The following HOMER2 variants were observed in gnomAD, a reference collection of about 807,000 sequenced individuals.
HOMER2 encodes homer scaffold protein 2.
In HOMER2, 27 loss-of-function variants were observed where a neutral mutation model predicts 47.0. The ratio of observed to expected loss-of-function variants is 0.57; its 90% CI spans 0.42 to 0.79. The LOEUF (loss-of-function observed/expected upper bound fraction) is 0.79, where lower values mean the gene tolerates loss of function less well. Among genes scored for constraint, HOMER2 ranks in the 30% least tolerant of loss-of-function variants. The pLI, the probability that HOMER2 is intolerant of heterozygous loss-of-function variation, is 0.00. For synonymous variants in HOMER2, 161 were observed against 163.8 expected (o/e 0.98, Z 0.13); for missense variants, 443 against 435.0 (o/e 1.02, Z -0.16).
At chr15:82,876,215 G>A (rs567712745) in intron 2 of HOMER2, among the ~76,000 whole-genome samples, 2 of 152,362 alleles carry the variant, frequency 1.3e-5, no homozygotes, top group South Asian at 4.1e-4. Flanking sequence ...GAGGGCTTGG[G>A]AGCCCACTGA....
At chr15:82,915,429 C>A (rs1222996964) in intron 1 of HOMER2, among the ~76,000 whole-genome samples, 1 of 152,116 alleles carries the variant, frequency 6.6e-6, no homozygotes, top group Non-Finnish European at 1.5e-5. Flanking sequence ...CTCAGAACTG[C>A]CAGGTACAGT....
chr15:82,838,699 T>C, exon 2 of HOMER2: 1 of 152,190 alleles, frequency 6.6e-6, no homozygotes. Flanking sequence ...TGTTGGAATA[T>C]GTAAGCTCCC....
At chr15:82,846,567 C>G (rs1252651960), downstream of HOMER2, 1 of 152,196 alleles carries the variant, frequency 6.6e-6, no homozygotes. Context: ...TCCAGGAGAC[C>G]TGGATGCAGA....
intron 1 of HOMER2, among the ~76,000 whole-genome samples, chr15:82,911,114 A>G (rs1362479351): frequency 6.6e-6 from 1 of 152,234 alleles, no homozygotes; most frequent in Non-Finnish European, 1.5e-5. Context: ...TGCAGGGAAG[A>G]GAATCCCTTT....
At chr15:82,847,477 C>T (rs74826434), downstream of HOMER2, among the ~76,000 whole-genome samples, 1,239 of 152,322 alleles carry the variant, frequency 8.1e-3, 20 homozygotes, top group African/African-American at 0.027. Flanking sequence ...ACAGGATGCT[C>T]ACCACACTCT....
At chr15:82,908,948 C>T (rs1217259291) in intron 1 of HOMER2, among the ~76,000 whole-genome samples, 1 of 151,874 alleles carries the variant, frequency 6.6e-6, no homozygotes, top group Non-Finnish European at 1.5e-5. Flanking sequence ...ACCAGGGAGC[C>T]CACAGCAGCA....
At chr15:82,971,401 G>GAGAGAC (rs1337548722) in intron 1 of HOMER2, among the ~76,000 whole-genome samples, 3 of 151,594 alleles carry the variant, frequency 2.0e-5, no homozygotes, top group African/African-American at 7.3e-5. Flanking sequence ...GAGAGAGCAA[G>GAGAGAC]AGAGACAGAT....
intron 1 of HOMER2, among the ~76,000 whole-genome samples, chr15:82,920,404 G>A (rs1487098780): frequency 6.6e-6 from 1 of 152,184 alleles, no homozygotes; most frequent in East Asian, 1.9e-4. Flanking sequence ...GCTCTGGAGG[G>A]CAGAAATCCG....
intron 1 of HOMER2, among the ~76,000 whole-genome samples, chr15:82,918,576 TG>T (rs1232190220): frequency 6.6e-6 from 1 of 152,108 alleles, no homozygotes; most frequent in Non-Finnish European, 1.5e-5. Context: ...TCCACAGCTT[TG>T]AGGACATGTC....
intron 4 of HOMER2, among the ~76,000 whole-genome samples, chr15:82,860,927 ACT>A (rs1261650932): frequency 4.3e-5 from 5 of 115,276 alleles, no homozygotes; most frequent in East Asian, 6.1e-4. Flanking sequence ...ACACAGTGAG[ACT>A]CTGTCTCAAA....
At chr15:82,853,823 C>T (rs1239796475) in intron 6 of HOMER2, among the ~76,000 whole-genome samples, 1 of 152,204 alleles carries the variant, frequency 6.6e-6, no homozygotes. Flanking sequence ...GGGCGTACAA[C>T]AGGTCAGCAC....
chr15:82,930,984 C>T (rs1369400298), intron 1 of HOMER2, among the ~76,000 whole-genome samples: 1 of 152,126 alleles, frequency 6.6e-6, no homozygotes, highest in South Asian at 2.1e-4. Context: ...CCCTGTGCAC[C>T]TCCTGCCCTG....
chr15:82,880,388 A>C (rs1197396003), intron 2 of HOMER2, among the ~76,000 whole-genome samples: 3 of 152,248 alleles, frequency 2.0e-5, no homozygotes, highest in Non-Finnish European at 4.4e-5. Context: ...TACACTCTTA[A>C]TAGAGTGGTG....
chr15:82,839,318 C>G (rs1011158423), exon 2 of HOMER2: 1 of 152,084 alleles, frequency 6.6e-6, no homozygotes, highest in African/African-American at 2.4e-5. Context: ...TGGGGTTGCC[C>G]CAAAGCAAGA....
exon 2 of HOMER2, chr15:82,838,181 G>C (rs1049718252): frequency 6.5e-6 from 1 of 152,906 alleles, no homozygotes; most frequent in African/African-American, 2.4e-5. Context: ...CGAAAACGGA[G>C]GAGATCCTGG....
chr15:82,853,343 C>T (rs747521846), intron 6 of HOMER2, among the ~76,000 whole-genome samples: 4 of 152,336 alleles, frequency 2.6e-5, no homozygotes, highest in Non-Finnish European at 5.9e-5. Flanking sequence ...AAAGGGCAAT[C>T]GATCCCTCTG....
chr15:82,945,197 T>C (rs986013488), intron 1 of HOMER2, among the ~76,000 whole-genome samples: 2 of 150,278 alleles, frequency 1.3e-5, no homozygotes, highest in African/African-American at 4.9e-5. Context: ...AAACAACTGC[T>C]TTAAGAAATT....
At chr15:82,941,057 C>G (rs553189160) in intron 1 of HOMER2, among the ~76,000 whole-genome samples, 29 of 152,296 alleles carry the variant, frequency 1.9e-4, no homozygotes, top group African/African-American at 6.5e-4. Context: ...AGCTTTCTCT[C>G]TCTATCCCTT....
chr15:82,903,109 A>C (rs1431445958), intron 1 of HOMER2, among the ~76,000 whole-genome samples: 2 of 152,334 alleles, frequency 1.3e-5, no homozygotes, highest in East Asian at 3.9e-4. Flanking sequence ...TCACTGTGGC[A>C]CTTCTATTGA....
Sources: allele counts gnomAD v4.1 joint callset (sites outside exome capture counted in the v4.1 genomes callset), GRCh38; gene constraint gnomAD v4.1.1; transcripts MANE v1.5; gene names NCBI Gene and HGNC (gene_info 2026-07-23, HGNC 2026-07-21).